Variants in ECI2 observed in about 807,000 individuals in gnomAD.
ECI2 encodes the protein enoyl-CoA delta isomerase 2.
In ECI2, 27 loss-of-function variants were observed where a neutral mutation model predicts 38.4. The observed-to-expected ratio is 0.70, with a 90% CI of 0.52 to 0.97. The LOEUF is 0.97. Ranked by LOEUF, ECI2 falls within the 50% of genes least tolerant of loss-of-function variation. The pLI is 0.00. For missense variants in ECI2, 470 were observed against 474.4 expected, an observed-to-expected ratio of 0.99 and a Z score of 0.09; for synonymous variants, 168 against 172.0, an observed-to-expected ratio of 0.98 and a Z score of 0.18.
At chr6:4,121,919 T>C in intron 7 of ECI2, 1 of 1,287,654 alleles carries the variant, frequency 7.8e-7, no homozygotes, top group Non-Finnish European at 1.1e-6. Context: ...TTTCTGTTAA[T>C]GTCATGTATC....
In ECI2 at chr6:4,122,102, G is replaced by A. The variant is rs1772831334; in HGVS notation, c.796-2827C>T. ...TAAAATGCTGATTTTCAGAAAGAGAGCAGCAGGTGGAGTTAAGGGTTTAGG... is the reference window on the plus strand; with the variant it reads ...TAAAATGCTGATTTTCAGAAAGAGAACAGCAGGTGGAGTTAAGGGTTTAGG... On this transcript the variant is annotated intron_variant, in intron 7 of 9. Coordinates refer to ENST00000380118, the MANE Select transcript of ECI2 (RefSeq NM_206836.3). 7 of 1,108,984 alleles carry A rather than the reference G, an allele frequency of 6.3e-6. 1 individual carries two copies. The South Asian group carries it at 8.4e-5, about 13-fold the overall frequency. The allele number at this position is 1,108,984 out of a possible 1,614,324, so 68.7% of individuals were successfully genotyped here. A position where few individuals can be genotyped will look rare whatever the true frequency, so the allele number is the denominator to read the frequency against.
intron 8 of ECI2, 72 bp downstream of exon 8, chr6:4,119,114 T>G: frequency 8.1e-7 from 1 of 1,228,390 alleles, no homozygotes. Flanking sequence ...GAAGGGAGAG[T>G]ATATGAGATT....
Position 4,121,903 on chromosome 6 carries a change from T to C in ECI2, c.796-2628A>G. The C allele has an allele frequency of 2.7e-6, 3 of 1,106,006 alleles. No homozygotes were observed. In the Admixed American group the frequency reaches 7.9e-5, roughly 29 times the overall value. 68.5% of individuals were successfully genotyped at this position (1,106,006 alleles called of 1,614,324 possible). A position where few individuals can be genotyped will look rare whatever the true frequency, so the allele number is the denominator to read the frequency against. On this transcript the variant is annotated intron_variant, in intron 7 of 9. Coordinates refer to ENST00000380118, the MANE Select transcript of ECI2 (RefSeq NM_206836.3). ...TACATAAAAATAATCACAATATTTT[T>C]AAAAGTTTCTGTTAATGTCATGTAT...
At chr6:4,124,916 A>G (rs985108203) in intron 7 of ECI2, 4 of 434,820 alleles carry the variant, frequency 9.2e-6, no homozygotes, top group Non-Finnish European at 1.9e-5. Context: ...CCCTTGCACA[A>G]CCTGCAAAGA....
chr6:4,126,979 C>T (rs79049771), intron 5 of ECI2, among the ~76,000 whole-genome samples: 14 of 152,166 alleles, frequency 9.2e-5, no homozygotes, highest in Non-Finnish European at 2.1e-4. Context: ...TATCCCACCC[C>T]ACCTGCTCCA....
Position 4,130,796 on chromosome 6 carries a change from C to T in ECI2, c.283G>A (p.Ala95Thr), listed in dbSNP as rs142680577. ...GGCAGGCTGCCAAGGGCATTCCATGCGTCCCATTTGGCCTTGTTGATCAAG... is the reference window on the plus strand; with the variant it reads ...GGCAGGCTGCCAAGGGCATTCCATGTGTCCCATTTGGCCTTGTTGATCAAG... ...FDLINKAKWD[A>T]WNALGSLPKE... Residue 95 changes from alanine (A) to threonine (T), a missense_variant, in exon 3 of 10, where the codon GCA becomes ACA. Ala to Thr is a moderately conservative substitution (Grantham distance 58, BLOSUM62 0). Coordinates refer to ENST00000380118, the MANE Select transcript of ECI2 (RefSeq NM_206836.3). 2.1e-5 allele frequency: 34 copies of T among 1,614,056 alleles called. No homozygotes were observed. The highest frequency in any genetic ancestry group is 1.5e-4 in the African/African-American group (11 of 74,934).
In ECI2 at chr6:4,125,331, C is replaced by T. The variant is rs1187981210; in HGVS notation, c.714G>A (p.Leu238=). ...VGCFIDFPKP[L]IAVVNGPAVG... is the part of the protein sequence containing the mutation. ...CAGCTGGACCATTGACCACTGCAAT[C>T]AGAGGCTTAGGAAAATCTATAAAAC... The change falls in exon 7 of 10, where the codon CTG becomes CTA. Residue 238 remains leucine (L), a synonymous_variant. Transcript: ENST00000380118. 6.2e-7 allele frequency: 1 copy of T among 1,614,192 alleles called. No homozygotes were observed. Among genetic ancestry groups the T allele is most frequent in the Non-Finnish European group, 8.5e-7 (1 of 1,180,050 alleles).
At chr6:4,119,305 T>A in intron 7 of ECI2, 30 bp from the exon 8 acceptor site, 13 of 1,485,006 alleles carry the variant, frequency 8.8e-6, no homozygotes, top group Non-Finnish European at 1.2e-5. Flanking sequence ...AAGAAAACCA[T>A]CTTTTCATGT....
At chr6:4,122,850 T>C (rs1772897196) in intron 7 of ECI2, among the ~76,000 whole-genome samples, 1 of 152,200 alleles carries the variant, frequency 6.6e-6, no homozygotes, top group East Asian at 1.9e-4. Context: ...TGTGTGTGTA[T>C]GCGTATATTT....
chr6:4,135,073 CAG>C (rs934261109), intron 1 of ECI2: 2 of 461,674 alleles, frequency 4.3e-6, no homozygotes, highest in African/African-American at 4.0e-5. Context: ...CTCCAAGAAG[CAG>C]AGTGTTAAGT....
At chr6:4,130,203 T>C in intron 4 of ECI2, 169 bp downstream of exon 4, 3 of 1,613,824 alleles carry the variant, frequency 1.9e-6, no homozygotes, top group Non-Finnish European at 2.5e-6. Flanking sequence ...CTCTAAACAA[T>C]GAATGCTCAA....
Position 4,116,001 on chromosome 6 carries a change from C to A in ECI2, c.1058G>T (p.Arg353Met). Residue 353 changes from arginine to methionine, a missense_variant, in exon 10 of 10, where the codon AGG becomes ATG. Physicochemically the swap from Arg to Met is moderately conservative, Grantham distance 91. Transcript: ENST00000380118. ...GTGTAGTTTTTCTCTCTCTCTTTTC[C>A]TGATTACCTCTTTTGAAATTCTCAA... ...NALRISKEVIRKREREKLHAV... is the reference protein window; with the variant it reads ...NALRISKEVIMKREREKLHAV... The A allele has an allele frequency of 6.2e-7, 1 of 1,613,688 alleles. No individual in the cohort carries two copies. The highest frequency in any genetic ancestry group is 8.5e-7 in the Non-Finnish European group (1 of 1,179,894).
chr6:4,130,709 G>A, intron 3 of ECI2, 58 bp downstream of exon 3: 1 of 1,607,174 alleles, frequency 6.2e-7, no homozygotes, highest in Non-Finnish European at 8.5e-7. Context: ...GGCTTAATGA[G>A]AAGCACAAAC....
rs1387431250 is a variant in ECI2, at chr6:4,126,192, G to A, written c.617C>T (p.Thr206Ile). ...CTCTACTCCACCAGGGGGAATATCA[G>A]TGAAGTTAGTCAGATCATTCCCACT... is the stretch of plus-strand genomic sequence containing the variant. ...YSSGNDLTNF[T>I]DIPPGGVEEK... Residue 206 changes from threonine to isoleucine, a missense_variant, in exon 6 of 10, where the codon ACT becomes ATT. Coordinates refer to ENST00000380118, the MANE Select transcript of ECI2 (RefSeq NM_206836.3). 2 of 1,613,838 alleles carry A rather than the reference G, an allele frequency of 1.2e-6. No homozygotes were observed. The highest frequency in any genetic ancestry group is 1.1e-5 in the South Asian group (1 of 91,056).
chr6:4,117,620 G>A, intron 8 of ECI2, 169 bp from the exon 9 acceptor site: 1 of 831,500 alleles, frequency 1.2e-6, no homozygotes, highest in Non-Finnish European at 1.8e-6. Context: ...TTTGCAAACT[G>A]TGTGCTGAGA....
At chr6:4,125,782 T>C (rs1486457942) in intron 6 of ECI2, 2 of 424,838 alleles carry the variant, frequency 4.7e-6, no homozygotes. Flanking sequence ...ACAAGACTCC[T>C]CCGAGTCTCC....
intron 4 of ECI2, among the ~76,000 whole-genome samples, chr6:4,129,974 C>T (rs774758924): frequency 1.2e-4 from 19 of 152,060 alleles, no homozygotes; most frequent in Non-Finnish European, 2.5e-4. Flanking sequence ...TCTCCCTATA[C>T]TTATAAAAAA....
intron 4 of ECI2, 68 bp from the exon 5 acceptor site, chr6:4,127,899 A>C (rs2113997295): frequency 6.8e-7 from 1 of 1,472,446 alleles, no homozygotes; most frequent in Non-Finnish European, 9.3e-7. Flanking sequence ...AATGGACTCA[A>C]CAAATGTCAG....
chr6:4,116,643 C>T (rs756796505), intron 9 of ECI2, among the ~76,000 whole-genome samples: 3 of 152,006 alleles, frequency 2.0e-5, no homozygotes, highest in Non-Finnish European at 2.9e-5. Context: ...GTGGTTTTGC[C>T]ATGTTGGCCA....
Sources: allele counts gnomAD v4.1 joint callset (sites outside exome capture counted in the v4.1 genomes callset), GRCh38; gene constraint gnomAD v4.1.1; transcripts MANE v1.5; gene names NCBI Gene and HGNC (gene_info 2026-07-23, HGNC 2026-07-21).